The following MAP2K6 variants were observed in gnomAD, a reference collection of about 807,000 sequenced individuals.
The protein encoded by MAP2K6 is dual specificity mitogen-activated protein kinase kinase 6.
Under a neutral mutation model 53.7 loss-of-function variants are expected in MAP2K6, and 16 were observed. That is an observed-to-expected ratio of 0.30 (90% CI 0.20 to 0.45). The LOEUF (loss-of-function observed/expected upper bound fraction) is 0.45, where lower values mean the gene tolerates loss of function less well. MAP2K6 is among the 20% of genes least tolerant of loss of function. The pLI is 1.00. For synonymous variants in MAP2K6, 132 were observed against 143.1 expected (o/e 0.92, Z 0.55); for missense variants, 204 against 411.9 (o/e 0.50, Z 4.37).
chr17:69,420,512 C>T (rs770700273), intron 1 of MAP2K6, among the ~76,000 whole-genome samples: 10 of 152,142 alleles, frequency 6.6e-5, no homozygotes, highest in African/African-American at 9.7e-5. Context: ...TTAATAAATG[C>T]GCCTATTTAT....
At position 69,505,712 on chromosome 17, in the gene MAP2K6, G is replaced by A. The variant is rs564186779; in HGVS notation, c.17-68G>A. On this transcript the variant is annotated intron_variant, in intron 1 of 11. Coordinates refer to ENST00000590474, the MANE Select transcript of MAP2K6 (RefSeq NM_002758.4). ...GTGCAGGTCAGCTCTTTCCTTTGCCGCAGTCTCTTTCTCTGCTATCTTGCT... is the reference window on the plus strand; with the variant it reads ...GTGCAGGTCAGCTCTTTCCTTTGCCACAGTCTCTTTCTCTGCTATCTTGCT... 5.3e-4 allele frequency: 669 copies of A among 1,259,322 alleles called. 1 individual carries two copies. The highest frequency in any genetic ancestry group is 5.8e-4 in the Non-Finnish European group (498 of 858,784). The allele number at this position is 1,259,322 out of a possible 1,614,324, so 78.0% of individuals were successfully genotyped here. A position where few individuals can be genotyped will look rare whatever the true frequency, so the allele number is the denominator to read the frequency against.
chr17:69,467,597 G>C (rs1907855584), intron 1 of MAP2K6, among the ~76,000 whole-genome samples: 1 of 152,150 alleles, frequency 6.6e-6, no homozygotes, highest in African/African-American at 2.4e-5. Flanking sequence ...GTTAAGTAAT[G>C]CTTTTAGACT....
At position 69,543,716 on chromosome 17, in the gene MAP2K6, G is replaced by A. The variant is rs578051315; in HGVS notation, c.*1963G>A. ...TACTCCATTTTAGCTTTTGGTGAAC[G>A]ATGTAGAGCAAATTGTCTCTCTGGT... On this transcript the variant is annotated 3_prime_UTR_variant, in exon 12 of 12. Transcript: ENST00000590474. 2.0e-5 allele frequency: 3 copies of A among 152,272 alleles called. No individual in the cohort carries two copies. Among genetic ancestry groups the A allele is most frequent in the East Asian group, 1.9e-4 (1 of 5,180 alleles). The allele number at this position is 152,272 out of a possible 1,614,324, so 9.4% of individuals were successfully genotyped here.
intron 10 of MAP2K6, among the ~76,000 whole-genome samples, chr17:69,527,161 G>A (rs1910819553): frequency 6.6e-6 from 1 of 152,240 alleles, no homozygotes; most frequent in Admixed American, 6.5e-5. Flanking sequence ...GCAATTTGAT[G>A]TTGATTAAAG....
rs574521321 is a variant in MAP2K6, at chr17:69,544,760, A to C, written c.*3007A>C. The C allele has an allele frequency of 1.3e-5, 2 of 152,298 alleles. No individual in the cohort carries two copies. Among genetic ancestry groups the C allele is most frequent in the South Asian group, 4.1e-4 (2 of 4,824 alleles). 9.4% of individuals were successfully genotyped at this position (152,298 alleles called of 1,614,324 possible). A position where few individuals can be genotyped will look rare whatever the true frequency, so the allele number is the denominator to read the frequency against. On this transcript the variant is annotated 3_prime_UTR_variant, in exon 12 of 12. Coordinates refer to ENST00000590474, the MANE Select transcript of MAP2K6 (RefSeq NM_002758.4). ...AATATGCATAACTTTTAAGACTATTACCCTATGTTTGTACGTATGAGTGAA... is the reference window on the plus strand; with the variant it reads ...AATATGCATAACTTTTAAGACTATTCCCCTATGTTTGTACGTATGAGTGAA...
At chr17:69,526,497 C>A in intron 9 of MAP2K6, 73 bp from the exon 10 acceptor site, 2 of 1,536,430 alleles carry the variant, frequency 1.3e-6, no homozygotes, top group South Asian at 2.4e-5. Context: ...TGTCTATCCA[C>A]AAATGAAACG....
At chr17:69,462,526 C>T (rs191900333) in intron 1 of MAP2K6, among the ~76,000 whole-genome samples, 258 of 152,284 alleles carry the variant, frequency 1.7e-3, no homozygotes, top group African/African-American at 5.9e-3. Flanking sequence ...TTGAGTTTGA[C>T]GGCCTTGGGT....
rs116680491 is a variant in MAP2K6, at chr17:69,487,083, G to A, written c.17-18697G>A. Among the ~76,000 whole-genome samples the A allele has an allele frequency of 4.0e-3, 604 of 152,304 alleles. 3 individuals carry two copies. Among genetic ancestry groups the A allele is most frequent in the African/African-American group, 0.013 (555 of 41,568 alleles). ...TTTTATAACCTGCCTCTGTGATCCA[G>A]AAGAGCCTGGACATGTGAGTAGAAA... is the stretch of plus-strand genomic sequence containing the variant. On this transcript the variant is annotated intron_variant, in intron 1 of 11. Transcript: ENST00000590474.
At chr17:69,497,321 C>T (rs1908990382) in intron 1 of MAP2K6, among the ~76,000 whole-genome samples, 1 of 152,216 alleles carries the variant, frequency 6.6e-6, no homozygotes, top group Non-Finnish European at 1.5e-5. Flanking sequence ...TCATGGAAGA[C>T]TTCCTGGAGA....
intron 1 of MAP2K6, among the ~76,000 whole-genome samples, chr17:69,481,068 G>A (rs1908335517): frequency 2.0e-5 from 3 of 152,098 alleles, no homozygotes; most frequent in South Asian, 2.1e-4. Context: ...ATCCACATTG[G>A]TATGCATCTG....
intron 1 of MAP2K6, among the ~76,000 whole-genome samples, chr17:69,454,559 A>ATT (rs879315471): frequency 3.6e-5 from 5 of 140,488 alleles, no homozygotes; most frequent in African/African-American, 5.2e-5. Flanking sequence ...TAATTTTTGT[A>ATT]TTTTTTTTTT....
intron 1 of MAP2K6, among the ~76,000 whole-genome samples, chr17:69,423,354 T>C (rs1906158477): frequency 6.6e-6 from 1 of 152,256 alleles, no homozygotes; most frequent in Admixed American, 6.5e-5. Flanking sequence ...CATTCATTTA[T>C]ATGTTTTCCA....
chr17:69,422,439 C>T (rs562774834), intron 1 of MAP2K6, among the ~76,000 whole-genome samples: 3 of 152,244 alleles, frequency 2.0e-5, no homozygotes, highest in South Asian at 2.1e-4. Flanking sequence ...GCCAAATCAT[C>T]GTAATTTAGT....
At position 69,543,926 on chromosome 17, in the gene MAP2K6, C is replaced by T. The variant is rs1268471138; in HGVS notation, c.*2173C>T. 3 of 152,190 alleles carry T rather than the reference C, an allele frequency of 2.0e-5. No homozygotes were observed. The highest frequency in any genetic ancestry group is 6.5e-5 in the Admixed American group (1 of 15,272). The allele number at this position is 152,190 out of a possible 1,614,324, so 9.4% of individuals were successfully genotyped here. Reference sequence around the variant, plus strand: ...CAACCCTCGTGTACATTGGAACCATCTGGGAGCTGTGAACACTGTCGCTGC... The same window carrying T: ...CAACCCTCGTGTACATTGGAACCATTTGGGAGCTGTGAACACTGTCGCTGC... On this transcript the variant is annotated 3_prime_UTR_variant, in exon 12 of 12. Transcript: ENST00000590474.
At chr17:69,481,876 C>T (rs1952431105) in intron 1 of MAP2K6, among the ~76,000 whole-genome samples, 1 of 152,064 alleles carries the variant, frequency 6.6e-6, no homozygotes. Flanking sequence ...ACAATTTGGC[C>T]CATGATACCC....
intron 1 of MAP2K6, among the ~76,000 whole-genome samples, chr17:69,472,825 A>C (rs1908026942): frequency 6.6e-6 from 1 of 152,084 alleles, no homozygotes; most frequent in Admixed American, 6.5e-5. Context: ...CAGCCTCCTA[A>C]GTAGCTGGGA....
chr17:69,479,069 T>A (rs1325146180), intron 1 of MAP2K6, among the ~76,000 whole-genome samples: 2 of 152,204 alleles, frequency 1.3e-5, no homozygotes, highest in African/African-American at 4.8e-5. Flanking sequence ...GCTTATACAG[T>A]ATTCAATTCA....
rs370407008 is a variant in MAP2K6 at position 69,506,154 on chromosome 17, T to C, written c.83+308T>C. 5.3e-5 allele frequency among the ~76,000 whole-genome samples: 8 copies of C among 152,330 alleles called. No homozygotes were observed. The East Asian group carries it at 1.5e-3, about 29-fold the overall frequency. On this transcript the variant is annotated intron_variant, in intron 2 of 11. Coordinates refer to ENST00000590474, the MANE Select transcript of MAP2K6 (RefSeq NM_002758.4). Reference sequence around the variant, plus strand: ...TGTGAACTTCCTTGCCTTTTCCCTGTAGATTGGAGCAAACAGGCAAATCCC... The same window carrying C: ...TGTGAACTTCCTTGCCTTTTCCCTGCAGATTGGAGCAAACAGGCAAATCCC...
At chr17:69,517,662 T>A in intron 4 of MAP2K6, 49 bp downstream of exon 4, 1 of 1,303,954 alleles carries the variant, frequency 7.7e-7, no homozygotes, top group Non-Finnish European at 1.0e-6. Flanking sequence ...TGTATACATT[T>A]GTCCACCTCA....
Sources: allele counts gnomAD v4.1 joint callset (sites outside exome capture counted in the v4.1 genomes callset), GRCh38; gene constraint gnomAD v4.1.1; transcripts MANE v1.5; gene names NCBI Gene and HGNC (gene_info 2026-07-23, HGNC 2026-07-21).